Variants in KCNB2 observed in about 807,000 individuals in gnomAD.
KCNB2 encodes the protein delayed rectifier potassium channel protein.
A neutral mutation model predicts 61.5 loss-of-function variants in KCNB2; 15 were observed. The observed-to-expected ratio is 0.24, with a 90% confidence interval of 0.16 to 0.38. KCNB2 has a LOEUF of 0.38. Among genes scored for constraint, KCNB2 ranks in the 10% least tolerant of loss-of-function variants. KCNB2 has a pLI of 1.00. For missense variants in KCNB2, 828 were observed against 1,125.2 expected (o/e 0.74, Z 3.78); for synonymous variants, 457 against 446.0 (o/e 1.02, Z -0.31).
intron 2 of KCNB2, among the ~76,000 whole-genome samples, chr8:72,707,440 T>G (rs1379755097): frequency 1.3e-5 from 2 of 152,216 alleles, no homozygotes; most frequent in Non-Finnish European, 1.5e-5. Context: ...CATAGCTTTT[T>G]GTTTGGTTGG....
At chr8:72,673,514 T>C (rs761276034) in intron 2 of KCNB2, among the ~76,000 whole-genome samples, 2 of 152,218 alleles carry the variant, frequency 1.3e-5, no homozygotes, top group Non-Finnish European at 2.9e-5. Context: ...ATTAAACCTC[T>C]TTCCTTTATA....
At chr8:72,857,366 A>C (rs976747894) in intron 2 of KCNB2, among the ~76,000 whole-genome samples, 1 of 152,228 alleles carries the variant, frequency 6.6e-6, no homozygotes, top group Non-Finnish European at 1.5e-5. Context: ...AGCATATGGA[A>C]GACACAGATT....
chr8:72,906,102 A>G (rs1237219490), intron 2 of KCNB2, among the ~76,000 whole-genome samples: 3 of 152,210 alleles, frequency 2.0e-5, no homozygotes, highest in East Asian at 1.9e-4. Flanking sequence ...TTTCAGATGA[A>G]TATCTTAGTC....
chr8:72,803,914 T>A (rs1809168845), intron 2 of KCNB2, among the ~76,000 whole-genome samples: 1 of 152,094 alleles, frequency 6.6e-6, no homozygotes, highest in Non-Finnish European at 1.5e-5. Context: ...CCATTCCAGG[T>A]AGAGAAGTGT....
intron 2 of KCNB2, among the ~76,000 whole-genome samples, chr8:72,825,123 T>C (rs1809575326): frequency 2.0e-5 from 3 of 152,328 alleles, no homozygotes; most frequent in East Asian, 1.9e-4. Flanking sequence ...CTCTAGGCAC[T>C]ACATCTAAGT....
intron 2 of KCNB2, among the ~76,000 whole-genome samples, chr8:72,680,143 T>A (rs1806728092): frequency 6.6e-6 from 1 of 152,204 alleles, no homozygotes; most frequent in South Asian, 2.1e-4. Flanking sequence ...TACAACACAG[T>A]TTCAACTCTA....
In KCNB2 at chr8:72,851,826, G is replaced by GAAAAAAAAAAAAAAAAAAAAA. The variant is rs55696554; in HGVS notation, c.580-84107_580-84087dup. On this transcript the variant is annotated intron_variant, in intron 2 of 2. Coordinates refer to ENST00000523207, the MANE Select transcript of KCNB2 (RefSeq NM_004770.3). ...TTTTTTTTTAATGTAGAAGCTGTAGGAAAAAAAAAAAAAAAAAAAAAACAC... is the reference window on the plus strand; with the variant it reads ...TTTTTTTTTAATGTAGAAGCTGTAGGAAAAAAAAAAAAAAAAAAAAAAAAAAAAAAAAAAAAAAAAAAACAC... Among the ~76,000 whole-genome samples the GAAAAAAAAAAAAAAAAAAAAA allele has an allele frequency of 6.2e-4, 27 of 43,864 alleles. 5 individuals carry two copies. The highest frequency in any genetic ancestry group is 7.4e-4 in the Non-Finnish European group (19 of 25,626). 28.8% of individuals were successfully genotyped at this position (43,864 alleles called of 152,430 possible).
intron 2 of KCNB2, among the ~76,000 whole-genome samples, chr8:72,783,034 G>A (rs1808788652): frequency 6.6e-6 from 1 of 152,076 alleles, no homozygotes; most frequent in Non-Finnish European, 1.5e-5. Flanking sequence ...AACACCATCT[G>A]ATGCTTCAAT....
chr8:72,755,551 A>C (rs746199665), intron 2 of KCNB2, among the ~76,000 whole-genome samples: 1 of 152,204 alleles, frequency 6.6e-6, no homozygotes, highest in Non-Finnish European at 1.5e-5. Context: ...TTGACCAGAC[A>C]CTTCTTCAAG....
At chr8:72,897,008 G>A (rs1806000332) in intron 2 of KCNB2, among the ~76,000 whole-genome samples, 2 of 152,096 alleles carry the variant, frequency 1.3e-5, no homozygotes, top group Non-Finnish European at 2.9e-5. Context: ...CTAGGGTTGT[G>A]CTTGCAAATG....
intron 2 of KCNB2, among the ~76,000 whole-genome samples, chr8:72,787,412 C>T (rs1472468850): frequency 6.6e-6 from 1 of 151,710 alleles, no homozygotes; most frequent in Admixed American, 6.6e-5. Flanking sequence ...TAAATAAATA[C>T]ATCTGAATTT....
At chr8:72,731,652 C>G (rs1158157003) in intron 2 of KCNB2, among the ~76,000 whole-genome samples, 4 of 152,200 alleles carry the variant, frequency 2.6e-5, no homozygotes, top group African/African-American at 9.7e-5. Context: ...TATCATTTGA[C>G]CTTTCTCAGC....
At chr8:72,681,239 G>T (rs985837050) in intron 2 of KCNB2, among the ~76,000 whole-genome samples, 1 of 151,784 alleles carries the variant, frequency 6.6e-6, no homozygotes, top group Non-Finnish European at 1.5e-5. Context: ...AAAATTTTAA[G>T]AATAGAAAAA....
chr8:72,931,058 C>T (rs1171066771), intron 2 of KCNB2, among the ~76,000 whole-genome samples: 1 of 152,172 alleles, frequency 6.6e-6, no homozygotes, highest in Non-Finnish European at 1.5e-5. Context: ...ATAGGGAATC[C>T]TTTCCGCATT....
chr8:72,859,823 G>A (rs1241571750), intron 2 of KCNB2, among the ~76,000 whole-genome samples: 4 of 140,560 alleles, frequency 2.8e-5, no homozygotes, highest in African/African-American at 5.3e-5. Context: ...GGGTTCAAGC[G>A]ATTCTCCTGC....
At chr8:72,915,672 C>A (rs1053088914) in intron 2 of KCNB2, among the ~76,000 whole-genome samples, 3 of 152,090 alleles carry the variant, frequency 2.0e-5, no homozygotes, top group Non-Finnish European at 4.4e-5. Context: ...GTAATCCCAG[C>A]ACTTTGGGAG....
chr8:72,888,864 C>T (rs1362126121), intron 2 of KCNB2, among the ~76,000 whole-genome samples: 1 of 152,176 alleles, frequency 6.6e-6, no homozygotes, highest in Non-Finnish European at 1.5e-5. Flanking sequence ...AGGGAGAACT[C>T]ATTTCTTGGA....
intron 2 of KCNB2, among the ~76,000 whole-genome samples, chr8:72,896,716 T>A (rs1239693486): frequency 1.3e-5 from 2 of 152,134 alleles, no homozygotes; most frequent in Admixed American, 1.3e-4. Flanking sequence ...ACTCAGAAAT[T>A]CCCTTTCTCA....
chr8:72,616,915 G>A (rs1805628351), intron 2 of KCNB2, among the ~76,000 whole-genome samples: 1 of 152,192 alleles, frequency 6.6e-6, no homozygotes, highest in Non-Finnish European at 1.5e-5. Context: ...GAAGATTGGA[G>A]GGGCTTAAAT....
Sources: gnomAD v4.1 joint callset for allele counts (sites outside exome capture counted in the v4.1 genomes callset) on GRCh38, gnomAD v4.1.1 for gene constraint, MANE v1.5 for transcripts, NCBI Gene and HGNC (gene_info 2026-07-23, HGNC 2026-07-21) for gene names.